Variants in CEP104 observed in about 807,000 individuals in gnomAD.
CEP104 encodes centrosomal protein of 104 kDa.
A neutral mutation model predicts 113.3 loss-of-function variants in CEP104; 84 were observed. The observed-to-expected ratio is 0.74, with a 90% CI of 0.62 to 0.89. The LOEUF (loss-of-function observed/expected upper bound fraction) is 0.89. Ranked by LOEUF, CEP104 falls within the 40% of genes least tolerant of loss-of-function variation. The pLI, the probability that CEP104 is intolerant of heterozygous loss-of-function variation, is 0.00. For synonymous variants in CEP104, 378 were observed against 421.7 expected (o/e 0.90, Z 1.27); for missense variants, 1,053 against 1,156.6 (o/e 0.91, Z 1.30).
chr1:3,838,358 C>T (rs914017697), intron 8 of CEP104, among the ~76,000 whole-genome samples: 7 of 152,130 alleles, frequency 4.6e-5, no homozygotes, highest in African/African-American at 1.4e-4. Flanking sequence ...TCTATGTTGC[C>T]CAGGCTGGTC....
At chr1:3,836,005 TA>T (rs34927580) in intron 10 of CEP104, among the ~76,000 whole-genome samples, 125,926 of 142,164 alleles carry the variant, frequency 0.89, 56,355 homozygotes, top group Middle Eastern at 0.96. Flanking sequence ...CTCTGTTTCA[TA>T]AAAAAAAAAA....
intron 8 of CEP104, among the ~76,000 whole-genome samples, chr1:3,837,766 A>G (rs1644342821): frequency 6.6e-6 from 1 of 152,260 alleles, no homozygotes; most frequent in Admixed American, 6.5e-5. Context: ...AGTGACATAC[A>G]CATCCAAAAT....
chr1:3,843,019 C>T, intron 6 of CEP104: 1 of 445,864 alleles, frequency 2.2e-6, no homozygotes, highest in Non-Finnish European at 4.1e-6. Context: ...AATTCCTGAC[C>T]TCAAGTGATC....
chr1:3,822,686 G>C (rs906989854), intron 20 of CEP104: 3 of 115,608 alleles, frequency 2.6e-5, no homozygotes, highest in African/African-American at 9.1e-5. Context: ...GGGTGGGCGT[G>C]TACGAGGCGG....
At chr1:3,854,057 G>A (rs542831593) in intron 1 of CEP104, among the ~76,000 whole-genome samples, 2 of 152,314 alleles carry the variant, frequency 1.3e-5, no homozygotes, top group Non-Finnish European at 2.9e-5. Context: ...CCACTCCTTC[G>A]TGACCTGGCA....
chr1:3,850,425 G>A (rs1371942832), intron 2 of CEP104, among the ~76,000 whole-genome samples: 1 of 152,168 alleles, frequency 6.6e-6, no homozygotes, highest in Non-Finnish European at 1.5e-5. Flanking sequence ...GGCTACGGTT[G>A]GTGCAAACTT....
At chr1:3,832,384 AGC>A (rs1395336003) in intron 12 of CEP104, among the ~76,000 whole-genome samples, 105 of 128,324 alleles carry the variant, frequency 8.2e-4, no homozygotes, top group Non-Finnish European at 1.5e-3. Context: ...CCAGGAGTGT[AGC>A]GTAGGTCGTG....
chr1:3,833,611 A>T, intron 12 of CEP104: 1 of 360,470 alleles, frequency 2.8e-6, no homozygotes, highest in East Asian at 4.2e-5. Flanking sequence ...GTGTGTTTTT[A>T]TTTATTTAAA....
At chr1:3,824,728 A>C (rs1026859888) in intron 18 of CEP104, among the ~76,000 whole-genome samples, 2 of 151,586 alleles carry the variant, frequency 1.3e-5, no homozygotes, top group Non-Finnish European at 2.9e-5. Flanking sequence ...CAGGCACTCC[A>C]CCTCATCTTC....
Position 3,839,074 on chromosome 1 carries a change from C to G in CEP104, c.781G>C (p.Val261Leu). Reference sequence around the variant, plus strand: ...GCGAGATCGTAGTCTTCCTTCTCCACGGCACAGCGTTTCTCTACCTCATAC... The same window carrying G: ...GCGAGATCGTAGTCTTCCTTCTCCAGGGCACAGCGTTTCTCTACCTCATAC... ...GRYEVEKRCA[V>L]EKEDYDLAKE... Residue 261 changes from valine (V) to leucine (L), a missense_variant, in exon 8 of 22, where the codon GTG becomes CTG. Coordinates refer to ENST00000378230, the MANE Select transcript of CEP104 (RefSeq NM_014704.4). The G allele has an allele frequency of 6.2e-7, 1 of 1,614,080 alleles. No homozygotes were observed.
rs769670736 is a variant in CEP104 at position 3,830,010 on chromosome 1, G to A, written c.1837-13C>T. 6.2e-6 allele frequency: 10 copies of A among 1,600,778 alleles called. No individual in the cohort carries two copies. The highest frequency in any genetic ancestry group is 5.4e-5 in the African/African-American group (4 of 74,642). Reference sequence around the variant, plus strand: ...CACTCACTGAAAACTAAAGTTGGGAGGGGCTCTTGTTACTCATTCTTAAAA... The same window carrying A: ...CACTCACTGAAAACTAAAGTTGGGAAGGGCTCTTGTTACTCATTCTTAAAA... On this transcript the variant is annotated splice_polypyrimidine_tract_variant and intron_variant, in intron 13 of 21. Coordinates refer to ENST00000378230, the MANE Select transcript of CEP104 (RefSeq NM_014704.4).
At chr1:3,835,491 G>A (rs12741344) in intron 10 of CEP104, among the ~76,000 whole-genome samples, 6,953 of 152,228 alleles carry the variant, frequency 0.046, 209 homozygotes, top group Non-Finnish European at 0.071. Context: ...TCCTGCCTCA[G>A]TCTTCCAGCT....
At chr1:3,837,572 T>C in intron 8 of CEP104, 53 bp from the exon 9 acceptor site, 2 of 1,418,886 alleles carry the variant, frequency 1.4e-6, no homozygotes, top group South Asian at 1.2e-5. Flanking sequence ...ACGCCAGATA[T>C]ATCTATCTCA....
intron 1 of CEP104, among the ~76,000 whole-genome samples, chr1:3,855,174 A>AT (rs35424750): frequency 0.015 from 1,834 of 121,224 alleles, 28 homozygotes; most frequent in South Asian, 0.064. Context: ...CCCAGCCCCG[A>AT]TTTTTTTTTT....
Position 3,815,211 on chromosome 1 carries a change from C to G in CEP104, c.*191G>C, listed in dbSNP as rs1314300743. The G allele has an allele frequency of 1.2e-5, 7 of 588,968 alleles. No homozygotes were observed. The highest frequency in any genetic ancestry group is 6.1e-6 in the Non-Finnish European group (2 of 328,090). 36.5% of individuals were successfully genotyped at this position (588,968 alleles called of 1,614,324 possible). A position where few individuals can be genotyped will look rare whatever the true frequency, so the allele number is the denominator to read the frequency against. On this transcript the variant is annotated 3_prime_UTR_variant, in exon 22 of 22. Transcript: ENST00000378230. ...CAGGTCCTGGCACTGCACGCAGGAT[C>G]TTTGGTTAGCTGCATCCATATCGTT... is the stretch of plus-strand genomic sequence containing the variant.
chr1:3,853,003 A>T (rs1220209543), intron 1 of CEP104, among the ~76,000 whole-genome samples: 1 of 152,260 alleles, frequency 6.6e-6, no homozygotes, highest in Non-Finnish European at 1.5e-5. Flanking sequence ...AGCCCTGTCC[A>T]TGCAGCCATC....
chr1:3,842,865 G>A (rs1644437763), intron 6 of CEP104, among the ~76,000 whole-genome samples: 1 of 152,042 alleles, frequency 6.6e-6, no homozygotes, highest in African/African-American at 2.4e-5. Flanking sequence ...TTGGCTCACT[G>A]CAACCTCCAC....
At chr1:3,829,656 C>T in intron 14 of CEP104, 135 bp downstream of exon 14, 1 of 956,990 alleles carries the variant, frequency 1.0e-6, no homozygotes. Flanking sequence ...AACCTGTGTT[C>T]TTTCTTAGCC....
At chr1:3,828,375 T>C (rs1644134325) in intron 15 of CEP104, among the ~76,000 whole-genome samples, 1 of 152,238 alleles carries the variant, frequency 6.6e-6, no homozygotes, top group Non-Finnish European at 1.5e-5. Flanking sequence ...TTCCGCCTCC[T>C]GTGTCCTTTT....
Sources: gnomAD v4.1 joint callset for allele counts (sites outside exome capture counted in the v4.1 genomes callset) on GRCh38, gnomAD v4.1.1 for gene constraint, MANE v1.5 for transcripts, NCBI Gene and HGNC (gene_info 2026-07-23, HGNC 2026-07-21) for gene names.